Variants in GRM8 observed in about 807,000 individuals in gnomAD.
GRM8 encodes glutamate metabotropic receptor 8.
A neutral mutation model predicts 87.2 loss-of-function variants in GRM8; 47 were observed. That is an observed-to-expected ratio of 0.54 (90% confidence interval 0.43 to 0.69). The LOEUF (loss-of-function observed/expected upper bound fraction) is 0.69, where lower values mean the gene tolerates loss of function less well. GRM8 is among the 30% of genes least tolerant of loss of function. GRM8 has a pLI of 0.00. For missense variants in GRM8, 1,019 were observed against 1,139.2 expected (o/e 0.89, Z 1.52); for synonymous variants, 396 against 404.5 (o/e 0.98, Z 0.25).
chr7:127,154,820 A>C (rs1272886570), intron 2 of GRM8, among the ~76,000 whole-genome samples: 1 of 152,190 alleles, frequency 6.6e-6, no homozygotes, highest in Non-Finnish European at 1.5e-5. Context: ...GAAATAATTT[A>C]AATGAAAACT....
At chr7:126,488,871 C>A (rs1807672771) in intron 9 of GRM8, among the ~76,000 whole-genome samples, 1 of 151,732 alleles carries the variant, frequency 6.6e-6, no homozygotes, top group African/African-American at 2.4e-5. Context: ...TAGTGTAGGT[C>A]ACAAATACAC....
intron 3 of GRM8, among the ~76,000 whole-genome samples, chr7:126,943,889 C>A (rs954852758): frequency 2.6e-5 from 4 of 152,174 alleles, no homozygotes; most frequent in African/African-American, 7.2e-5. Context: ...GAAGGCATAG[C>A]CTTAATATTT....
intron 3 of GRM8, among the ~76,000 whole-genome samples, chr7:127,081,636 A>C (rs17862285): frequency 0.025 from 3,766 of 152,322 alleles, 81 homozygotes; most frequent in Non-Finnish European, 0.038. Context: ...GGGAGGAGGC[A>C]GAGGGAAAAA....
At chr7:127,155,484 T>C (rs1393254614) in intron 2 of GRM8, among the ~76,000 whole-genome samples, 1 of 152,192 alleles carries the variant, frequency 6.6e-6, no homozygotes, top group African/African-American at 2.4e-5. Flanking sequence ...CAAAGAGATA[T>C]ATTGCATACC....
rs560154697 is a variant in GRM8, at chr7:126,502,813, G to A, written c.2430+30139C>T. Among the ~76,000 whole-genome samples, 10 of 152,194 alleles carry A rather than the reference G, an allele frequency of 6.6e-5. No homozygotes were observed. In the South Asian group the frequency reaches 2.1e-3, roughly 32 times the overall value. On this transcript the variant is annotated intron_variant, in intron 9 of 10. Coordinates refer to ENST00000339582, the MANE Select transcript of GRM8 (RefSeq NM_000845.3). ...TTGGGGTGTCCAATATGGACTCAGA[G>A]TTAAAAGAGTAGACATAATTATTAA...
At chr7:126,703,183 A>T (rs1295514237) in intron 7 of GRM8, among the ~76,000 whole-genome samples, 1 of 152,228 alleles carries the variant, frequency 6.6e-6, no homozygotes, top group East Asian at 1.9e-4. Flanking sequence ...AAGGAATTAA[A>T]GCAGGAAGAT....
intron 7 of GRM8, among the ~76,000 whole-genome samples, chr7:126,703,757 T>C (rs1810195204): frequency 6.6e-6 from 1 of 152,170 alleles, no homozygotes; most frequent in Non-Finnish European, 1.5e-5. Context: ...AGACAGAGTC[T>C]TGCTATGTTG....
chr7:127,016,496 G>A (rs1257426914), intron 3 of GRM8, among the ~76,000 whole-genome samples: 1 of 151,976 alleles, frequency 6.6e-6, no homozygotes, highest in East Asian at 1.9e-4. Context: ...TGATATAATC[G>A]TGTTACTGCC....
At chr7:126,657,118 G>A (rs935759187) in intron 7 of GRM8, among the ~76,000 whole-genome samples, 3 of 152,070 alleles carry the variant, frequency 2.0e-5, no homozygotes, top group Non-Finnish European at 4.4e-5. Flanking sequence ...GGAAAATAAG[G>A]CATAGGGAAA....
At chr7:127,203,925 T>C (rs1323355817) in intron 2 of GRM8, among the ~76,000 whole-genome samples, 2 of 152,148 alleles carry the variant, frequency 1.3e-5, no homozygotes, top group Admixed American at 6.5e-5. Flanking sequence ...GTAGAACTTC[T>C]TAAATGTTAT....
At chr7:126,843,551 G>A (rs1796459967) in intron 6 of GRM8, among the ~76,000 whole-genome samples, 1 of 152,242 alleles carries the variant, frequency 6.6e-6, no homozygotes, top group South Asian at 2.1e-4. Flanking sequence ...ACACCCACCA[G>A]CTGAAGCTGG....
At chr7:127,223,461 A>ATG (rs1587319168) in intron 2 of GRM8, among the ~76,000 whole-genome samples, 47 of 102,430 alleles carry the variant, frequency 4.6e-4, no homozygotes, top group Middle Eastern at 6.3e-3. Flanking sequence ...ACACACACAC[A>ATG]CACACACACA....
chr7:126,978,015 G>A (rs1044075886), intron 3 of GRM8, among the ~76,000 whole-genome samples: 6 of 152,096 alleles, frequency 3.9e-5, no homozygotes, highest in Admixed American at 3.9e-4. Context: ...AGTCCAAAAG[G>A]ACAATTGTTT....
intron 6 of GRM8, among the ~76,000 whole-genome samples, chr7:126,839,721 G>T (rs927187550): frequency 3.3e-5 from 5 of 152,144 alleles, no homozygotes; most frequent in African/African-American, 1.2e-4. Context: ...ATTTCAGTTT[G>T]GTTAAGGGAG....
intron 3 of GRM8, among the ~76,000 whole-genome samples, chr7:127,007,945 G>A (rs1024905580): frequency 6.6e-6 from 1 of 151,894 alleles, no homozygotes; most frequent in African/African-American, 2.4e-5. Context: ...ATACCTAAAA[G>A]AGTCAATTTA....
At chr7:126,478,156 G>A (rs1806220896) in intron 9 of GRM8, among the ~76,000 whole-genome samples, 1 of 152,092 alleles carries the variant, frequency 6.6e-6, no homozygotes, top group Non-Finnish European at 1.5e-5. Flanking sequence ...CCAGAGGTTA[G>A]GAAGTAGGAC....
chr7:127,192,044 T>C (rs1388539284), intron 2 of GRM8, among the ~76,000 whole-genome samples: 2 of 152,138 alleles, frequency 1.3e-5, no homozygotes, highest in Admixed American at 1.3e-4. Context: ...GTTTCTCCCC[T>C]TTTTTGTAAA....
At chr7:126,673,031 G>T (rs997101812) in intron 7 of GRM8, among the ~76,000 whole-genome samples, 13 of 152,144 alleles carry the variant, frequency 8.5e-5, no homozygotes, top group Admixed American at 8.5e-4. Context: ...GTGGGAGGGG[G>T]TGCCTGGAGA....
intron 3 of GRM8, among the ~76,000 whole-genome samples, chr7:127,025,919 G>T (rs926181465): frequency 1.3e-5 from 2 of 152,076 alleles, no homozygotes; most frequent in South Asian, 2.1e-4. Flanking sequence ...TGTTACATAG[G>T]TATACATGTA....
Sources: gnomAD v4.1 joint callset for allele counts (sites outside exome capture counted in the v4.1 genomes callset) on GRCh38, gnomAD v4.1.1 for gene constraint, MANE v1.5 for transcripts, NCBI Gene and HGNC (gene_info 2026-07-23, HGNC 2026-07-21) for gene names.